Variants in SLFN12 observed in about 807,000 individuals in gnomAD.
SLFN12 encodes the protein schlafen family member 12.
SLFN12 carries 25 observed loss-of-function variants against 29.1 expected under a neutral mutation model. The observed-to-expected ratio is 0.86, with a 90% confidence interval of 0.63 to 1.20. The LOEUF (loss-of-function observed/expected upper bound fraction) is 1.20. SLFN12 is among the 50% of genes most tolerant of loss of function. The pLI is 0.00. For synonymous variants in SLFN12, 257 were observed against 238.7 expected (o/e 1.08, Z -0.71); for missense variants, 660 against 666.2 (o/e 0.99, Z 0.10).
intron 1 of SLFN12, 109 bp from the exon 2 acceptor site, chr17:35,423,177 C>T (rs745306746): frequency 7.9e-6 from 10 of 1,260,828 alleles, no homozygotes; most frequent in South Asian, 5.2e-5. Context: ...TTCTACTAGA[C>T]TGGTAAGTAT....
intron 3 of SLFN12, among the ~76,000 whole-genome samples, chr17:35,417,571 T>G (rs1009729954): frequency 6.6e-6 from 1 of 152,064 alleles, no homozygotes; most frequent in African/African-American, 2.4e-5. Context: ...ATAGACACAC[T>G]CTCTTTAAAA....
chr17:35,425,838 C>CTTTTTTTTTTT lies in SLFN12; in HGVS notation c.-40-2781_-40-2771dup, dbSNP rs58492425. ...GGTTCTTTTTCTTTTCTTTTCTTTT[C>CTTTTTTTTTTT]TTTTTTTTTTTTTTTTTTTTTTTTT... is the stretch of plus-strand genomic sequence containing the variant. On this transcript the variant is annotated intron_variant, in intron 1 of 3. Transcript: ENST00000304905. Among the ~76,000 whole-genome samples, 253 of 39,132 alleles carry CTTTTTTTTTTT rather than the reference C, an allele frequency of 6.5e-3. 21 individuals carry two copies. The highest frequency in any genetic ancestry group is 0.021 in the Middle Eastern group (1 of 48). 25.7% of individuals were successfully genotyped at this position (39,132 alleles called of 152,430 possible).
At chr17:35,411,958 A>G (rs1237457874) in intron 3 of SLFN12, 31 bp from the exon 4 acceptor site, 1 of 1,470,378 alleles carries the variant, frequency 6.8e-7, no homozygotes, top group Non-Finnish European at 9.0e-7. Context: ...AATAAATTAT[A>G]AAACACTAGG....
chr17:35,422,181 A>G lies in SLFN12; in HGVS notation c.848T>C (p.Ile283Thr). The G allele has an allele frequency of 6.2e-7, 1 of 1,614,126 alleles. No homozygotes were observed. Among genetic ancestry groups the G allele is most frequent in the South Asian group, 1.1e-5 (1 of 91,088 alleles). ...VHHFCMEKKK[I>T]NYSCKFLGVY... ...TCCAAGGAATTTGCATGAATAATTT[A>G]TCTTCTTCTTCTCCATACAGAAGTG... is the stretch of plus-strand genomic sequence containing the variant. Residue 283 changes from isoleucine to threonine, a missense_variant, in exon 2 of 4, where the codon ATA becomes ACA. Ile to Thr is a moderately conservative substitution (Grantham distance 89). Coordinates refer to ENST00000304905, the MANE Select transcript of SLFN12 (RefSeq NM_018042.5).
In SLFN12 at chr17:35,422,858, T is replaced by TGTA; in HGVS notation, c.170_171insTAC (p.Gly57_Val58insThr). 1 of 1,613,888 alleles carries TGTA rather than the reference T, an allele frequency of 6.2e-7. No individual in the cohort carries two copies. Among genetic ancestry groups the TGTA allele is most frequent in the East Asian group, 2.2e-5 (1 of 44,888 alleles). ...CATTCTCAATTTCAGCCTTGATCACTCCCCCTCCAGAATTGAGCAGAGCAC... is the reference window on the plus strand; with the variant it reads ...CATTCTCAATTTCAGCCTTGATCACTGTACCCCCTCCAGAATTGAGCAGAGCAC... On this transcript the variant is annotated inframe_insertion, in exon 2 of 4. Transcript: ENST00000304905.
chr17:35,411,247 TG>T lies in SLFN12; in HGVS notation c.*90del. 1 of 1,020,830 alleles carries T rather than the reference TG, an allele frequency of 9.8e-7. No individual in the cohort carries two copies. Among genetic ancestry groups the T allele is most frequent in the Non-Finnish European group, 1.4e-6 (1 of 712,716 alleles). The allele number at this position is 1,020,830 out of a possible 1,614,324, so 63.2% of individuals were successfully genotyped here. A position where few individuals can be genotyped will look rare whatever the true frequency, so the allele number is the denominator to read the frequency against. On this transcript the variant is annotated 3_prime_UTR_variant, in exon 4 of 4. Coordinates refer to ENST00000304905, the MANE Select transcript of SLFN12 (RefSeq NM_018042.5). ...CAACATCACATTAAGTTGCTTAACT[TG>T]CAAAGTTTTCAAAGAAATATTTTCA...
At chr17:35,423,567 C>T (rs887650810) in intron 1 of SLFN12, among the ~76,000 whole-genome samples, 2 of 151,840 alleles carry the variant, frequency 1.3e-5, no homozygotes, top group Admixed American at 6.6e-5. Context: ...ATTATTTTTC[C>T]TTCTTATAAG....
Position 35,420,290 on chromosome 17 carries a change from C to A in SLFN12, c.1131G>T (p.Gln377His). ...TGAAATTACCTGGACAGTGATGTCT[C>A]TGCCGTTGCCATTCCAAAAGAGGCC... is the stretch of plus-strand genomic sequence containing the variant. ...HSWPLLEWQRQRHHCPGLSGR... is the reference protein window; with the variant it reads ...HSWPLLEWQRHRHHCPGLSGR... Residue 377 changes from glutamine (Q) to histidine (H), a missense_variant, in exon 3 of 4, where the codon CAG becomes CAT. Transcript: ENST00000304905. 1 of 1,612,624 alleles carries A rather than the reference C, an allele frequency of 6.2e-7. No individual in the cohort carries two copies. Among genetic ancestry groups the A allele is most frequent in the Non-Finnish European group, 8.5e-7 (1 of 1,178,792 alleles).
At chr17:35,421,541 T>C (rs1019962714) in intron 2 of SLFN12, among the ~76,000 whole-genome samples, 1 of 142,858 alleles carries the variant, frequency 7.0e-6, no homozygotes, top group African/African-American at 2.6e-5. Context: ...GAACTTTTTT[T>C]TTTTTTTTTT....
intron 3 of SLFN12, among the ~76,000 whole-genome samples, chr17:35,418,856 ATTTGTTTG>A (rs143803983): frequency 1.3e-5 from 2 of 151,236 alleles, no homozygotes; most frequent in South Asian, 2.1e-4. Flanking sequence ...GTATTTATTT[ATTTGTTTG>A]TTTGTTTGTT....
Position 35,422,124 on chromosome 17 carries a change from A to G in SLFN12, c.905T>C (p.Val302Ala). Residue 302 changes from valine (V) to alanine (A), a missense_variant, in exon 2 of 4, where the codon GTC (valine) becomes GCC (alanine). By Grantham distance (64) the Val-to-Ala change is moderately conservative (BLOSUM62 0). Transcript: ENST00000304905. ...GAAGCGCTCCACTCTGAGTGCACAG[A>G]CATATCCACAAAGACTTCCTTTATC... ...VYDKGSLCGY[V>A]CALRVERFCC... is the part of the protein sequence containing the mutation. 6.2e-7 allele frequency: 1 copy of G among 1,614,116 alleles called. No homozygotes were observed. Among genetic ancestry groups the G allele is most frequent in the Non-Finnish European group, 8.5e-7 (1 of 1,180,010 alleles).
chr17:35,411,826 CAG>C lies in SLFN12; in HGVS notation c.1247_1248del (p.Ser416CysfsTer10). The C allele has an allele frequency of 6.2e-7, 1 of 1,614,062 alleles. No individual in the cohort carries two copies. The highest frequency in any genetic ancestry group is 1.1e-5 in the South Asian group (1 of 91,086). On this transcript the variant is annotated frameshift_variant, in exon 4 of 4. Coordinates refer to ENST00000304905, the MANE Select transcript of SLFN12 (RefSeq NM_018042.5). LOFTEE classifies it low-confidence loss of function (END_TRUNC). ...GAGAAGATCAGTGAGCCCTTTCTGA[CAG>C]AGTCCATTTCTTCACATATTAATTG... Reference protein sequence around the residue: ...LKQLICEEMDSVRKGSLIFSR... With the variant: ...LKQLICEEMDXVRKGSLIFSR...
Position 35,422,824 on chromosome 17 carries a change from T to G in SLFN12, c.205A>C (p.Ser69Arg), listed in dbSNP as rs199764405. 1.3e-5 allele frequency: 21 copies of G among 1,613,926 alleles called. No homozygotes were observed. The Middle Eastern group carries it at 4.9e-4, about 38-fold the overall frequency. Residue 69 changes from serine (S) to arginine (R), a missense_variant, in exon 2 of 4, where the codon AGT (serine) becomes CGT (arginine). Physicochemically the swap from Ser to Arg is moderately radical, Grantham distance 110. Coordinates refer to ENST00000304905, the MANE Select transcript of SLFN12 (RefSeq NM_018042.5). The part of the protein sequence containing the change: ...IKAEIENEDY[S>R]YTKDGIGLDL... ...AGTCCTATTCCATCTTTTGTATAAC[T>G]ATAGTCTTCATTCTCAATTTCAGCC...
At chr17:35,431,832 A>G (rs1392362015) in intron 1 of SLFN12, 2 of 152,170 alleles carry the variant, frequency 1.3e-5, no homozygotes, top group Non-Finnish European at 2.9e-5. Flanking sequence ...CTTAGCCAGT[A>G]GAGTAGGGGA....
intron 3 of SLFN12, among the ~76,000 whole-genome samples, chr17:35,419,972 G>A (rs1180743060): frequency 6.6e-6 from 1 of 152,128 alleles, no homozygotes; most frequent in African/African-American, 2.4e-5. Context: ...ATGCCTGAAG[G>A]TGGGCCTCAA....
At chr17:35,414,689 T>C (rs1441926905) in intron 3 of SLFN12, among the ~76,000 whole-genome samples, 2 of 152,034 alleles carry the variant, frequency 1.3e-5, no homozygotes, top group East Asian at 1.9e-4. Context: ...ACAAAACCAA[T>C]GTACACAAAT....
At chr17:35,419,929 C>T (rs1328844199) in intron 3 of SLFN12, among the ~76,000 whole-genome samples, 2 of 152,150 alleles carry the variant, frequency 1.3e-5, no homozygotes, top group African/African-American at 2.4e-5. Flanking sequence ...ATCCTGAGTA[C>T]TGATGGCGTT....
Position 35,411,869 on chromosome 17 carries a change from T to C in SLFN12, c.1206A>G (p.Gln402=), listed in dbSNP as rs942830886. The C allele has an allele frequency of 1.4e-5, 22 of 1,613,632 alleles. No homozygotes were observed. The highest frequency in any genetic ancestry group is 1.7e-5 in the Non-Finnish European group (20 of 1,179,924). Reference sequence around the variant, plus strand: ...ATATTAATTGCTTAAGTCCTTCATGTTGTAAGAACAGTTTTCTGCAAAGGT... The same window carrying C: ...ATATTAATTGCTTAAGTCCTTCATGCTGTAAGAACAGTTTTCTGCAAAGGT... ...PENLCRKLFL[Q]HEGLKQLICE... is the part of the protein sequence containing the mutation. The change falls in exon 4 of 4, where the codon CAA becomes CAG. Residue 402 remains glutamine, a synonymous_variant. Coordinates refer to ENST00000304905, the MANE Select transcript of SLFN12 (RefSeq NM_018042.5).
chr17:35,412,259 G>T (rs1393628017), intron 3 of SLFN12, among the ~76,000 whole-genome samples: 1 of 152,088 alleles, frequency 6.6e-6, no homozygotes, highest in East Asian at 1.9e-4. Flanking sequence ...AGTAAGAAGA[G>T]CTGGAATATG....
Sources: allele counts gnomAD v4.1 joint callset (sites outside exome capture counted in the v4.1 genomes callset), GRCh38; gene constraint gnomAD v4.1.1; transcripts MANE v1.5; gene names NCBI Gene and HGNC (gene_info 2026-07-23, HGNC 2026-07-21).